The following TENM1 variants were observed in gnomAD, a reference collection of about 807,000 sequenced individuals.
TENM1 encodes the protein teneurin transmembrane protein 1, also known as teneurin-1.
Under a neutral mutation model 174.8 loss-of-function variants are expected in TENM1, and 35 were observed. The observed-to-expected ratio is 0.20, with a 90% CI of 0.15 to 0.27. The LOEUF (loss-of-function observed/expected upper bound fraction) is 0.27. Among genes scored for constraint, TENM1 ranks in the 10% least tolerant of loss-of-function variants. The probability of loss-of-function intolerance (pLI) is 1.00; values close to 1 mark genes in which losing one functional copy is unlikely to be tolerated. For missense variants in TENM1, 1,633 were observed against 2,130.1 expected (o/e 0.77, Z 4.59); for synonymous variants, 781 against 798.7 (o/e 0.98, Z 0.37).
the TENM1 span, among the ~76,000 whole-genome samples, chrX:124,985,668 A>G: frequency 8.9e-6 from 1 of 112,030 alleles, no homozygotes; most frequent in African/African-American, 3.2e-5. Context: ...AAGTGCATTT[A>G]AGAAAACATT....
intron 3 of TENM1, among the ~76,000 whole-genome samples, chrX:124,739,637 C>CTCTCT (rs1303249163): frequency 8.9e-6 from 1 of 112,413 alleles, no homozygotes; most frequent in East Asian, 2.8e-4. Flanking sequence ...ATAAACATGA[C>CTCTCT]TCTCTTCTAT....
chrX:124,820,975 C>T (rs1034210532), intron 3 of TENM1, among the ~76,000 whole-genome samples: 6 of 112,351 alleles, frequency 5.3e-5, no homozygotes, highest in East Asian at 5.6e-4. Flanking sequence ...CCCTTCTTTA[C>T]GTAACCCTCC....
the TENM1 span, among the ~76,000 whole-genome samples, chrX:125,165,042 T>C: frequency 1.8e-5 from 2 of 111,981 alleles, no homozygotes; most frequent in Admixed American, 9.5e-5. Context: ...AGTGACACAA[T>C]TGACATTGAG....
At chrX:124,406,610 C>A in intron 25 of TENM1, 121 bp from the exon 29 acceptor site, 1 of 434,481 alleles carries the variant, frequency 2.3e-6, no homozygotes, top group Non-Finnish European at 3.9e-6. Flanking sequence ...GTATTATTAA[C>A]CTTGTTCAAG....
At chrX:124,546,578 C>T (rs1331288025) in intron 15 of TENM1, among the ~76,000 whole-genome samples, 1 of 111,545 alleles carries the variant, frequency 9.0e-6, no homozygotes, top group Non-Finnish European at 1.9e-5. Flanking sequence ...TGAATCAATC[C>T]AGAAGCTAAA....
At position 124,420,655 on chromosome X, in the gene TENM1, G is replaced by A. The variant is rs753441395; in HGVS notation, c.4638C>T (p.Pro1546=). The A allele has an allele frequency of 7.3e-5, 88 of 1,209,866 alleles. 1 individual carries two copies. The South Asian group carries it at 9.2e-4, about 13-fold the overall frequency. Reference sequence around the variant, plus strand: ...TGAACTGGTACAGTTCCTGATCAGCGGGTGAAGCAATCTCATAAATGTTCA... The same window carrying A: ...TGAACTGGTACAGTTCCTGATCAGCAGGTGAAGCAATCTCATAAATGTTCA... Residue 1546 remains proline, a synonymous_variant, in exon 25 of 32, where the codon CCC becomes CCT. Transcript: ENST00000422452.
At chrX:124,710,514 T>A (rs1167688929) in intron 4 of TENM1, among the ~76,000 whole-genome samples, 1 of 111,977 alleles carries the variant, frequency 8.9e-6, no homozygotes, top group Non-Finnish European at 1.9e-5. Context: ...AATTGTTGGC[T>A]ATTATGACGG....
intron 22 of TENM1, among the ~76,000 whole-genome samples, chrX:124,457,138 C>T (rs754354695): frequency 8.9e-6 from 1 of 112,306 alleles, no homozygotes; most frequent in African/African-American, 3.2e-5. Flanking sequence ...CTCAATTTAA[C>T]TTTGAATTTA....
At chrX:125,016,922 A>C in the TENM1 span, among the ~76,000 whole-genome samples, 40 of 111,307 alleles carry the variant, frequency 3.6e-4, no homozygotes, top group African/African-American at 1.2e-3. Context: ...CATCTACAAC[A>C]ATCTGATCTT....
At chrX:124,726,993 C>T (rs1164682247) in intron 4 of TENM1, among the ~76,000 whole-genome samples, 2 of 112,261 alleles carry the variant, frequency 1.8e-5, no homozygotes, top group African/African-American at 6.5e-5. Context: ...TTGCCAAAAT[C>T]TCCTTTGCCA....
intron 4 of TENM1, among the ~76,000 whole-genome samples, chrX:124,713,724 G>A (rs1408442230): frequency 8.9e-6 from 1 of 111,971 alleles, no homozygotes; most frequent in African/African-American, 3.2e-5. Flanking sequence ...TTACTTCAGA[G>A]GTATTCGATG....
chrX:125,138,518 TGGGG>T, the TENM1 span, among the ~76,000 whole-genome samples: 1 of 111,610 alleles, frequency 9.0e-6, no homozygotes, highest in Non-Finnish European at 1.9e-5. Flanking sequence ...ACATTAAGTG[TGGGG>T]AATGCCACAA....
intron 20 of TENM1, among the ~76,000 whole-genome samples, chrX:124,493,983 A>G (rs776330805): frequency 9.8e-5 from 11 of 111,863 alleles, no homozygotes; most frequent in Non-Finnish European, 1.9e-4. Context: ...GAGTGAATTA[A>G]TGTGAAAAAT....
chrX:124,937,069 G>T (rs760306382), intron 1 of TENM1, among the ~76,000 whole-genome samples: 1 of 101,488 alleles, frequency 9.9e-6, no homozygotes, highest in Non-Finnish European at 2.0e-5. Context: ...AAAAAAAAAA[G>T]TAGTGTAACT....
At chrX:124,380,658 T>G in exon 32 of TENM1, 1 of 1,211,870 alleles carries the variant, frequency 8.3e-7, no homozygotes, top group Non-Finnish European at 1.1e-6. Flanking sequence ...CGCCCAGTGC[T>G]CAAAAGCTGC....
intron 1 of TENM1, among the ~76,000 whole-genome samples, chrX:124,903,767 A>T (rs2057701059): frequency 8.9e-6 from 1 of 111,983 alleles, no homozygotes; most frequent in Non-Finnish European, 1.9e-5. Flanking sequence ...CTGGACTTCA[A>T]CAGAAATTTA....
chrX:125,055,141 C>A, the TENM1 span, among the ~76,000 whole-genome samples: 19 of 111,110 alleles, frequency 1.7e-4, no homozygotes, highest in Non-Finnish European at 2.1e-4. Context: ...TCCTAGTTGC[C>A]CTTTATTTAC....
chrX:124,468,169 ATC>A (rs1569533231), intron 22 of TENM1, among the ~76,000 whole-genome samples: 2 of 108,391 alleles, frequency 1.8e-5, no homozygotes, highest in Non-Finnish European at 3.8e-5. Flanking sequence ...TGCTTCACAT[ATC>A]TCTTTCTTTT....
At chrX:124,478,127 C>A (rs1169780087) in intron 22 of TENM1, among the ~76,000 whole-genome samples, 1 of 112,353 alleles carries the variant, frequency 8.9e-6, no homozygotes, top group African/African-American at 3.2e-5. Flanking sequence ...CTTCAGTTTA[C>A]AACTGAAGAA....
Sources: allele counts gnomAD v4.1 joint callset (sites outside exome capture counted in the v4.1 genomes callset), GRCh38; gene constraint gnomAD v4.1.1; transcripts MANE v1.5; gene names NCBI Gene and HGNC (gene_info 2026-07-23, HGNC 2026-07-21).